ABCA10: variants seen among roughly 807,000 people sequenced by gnomAD.
The protein encoded by ABCA10 is ATP-binding cassette sub-family A member 10.
A neutral mutation model predicts 187.5 loss-of-function variants in ABCA10; 169 were observed. The observed-to-expected ratio is 0.90, with a 90% CI of 0.80 to 1.02. ABCA10 has a LOEUF of 1.02. Ranked by LOEUF, ABCA10 falls within the 50% of genes least tolerant of loss-of-function variation. The pLI, the probability that ABCA10 is intolerant of heterozygous loss-of-function variation, is 0.00. For synonymous variants in ABCA10, 574 were observed against 601.8 expected (o/e 0.95, Z 0.68); for missense variants, 1,727 against 1,812.4 (o/e 0.95, Z 0.86).
intron 19 of ABCA10, 113 bp from the exon 20 acceptor site, chr17:69,185,756 TTTAG>T: frequency 7.9e-6 from 6 of 754,846 alleles, no homozygotes; most frequent in Admixed American, 2.6e-5. Context: ...ATATGTGGTG[TTTAG>T]TTAGATAAAA....
chr17:69,215,987 A>G lies in ABCA10; in HGVS notation c.686T>C (p.Phe229Ser). 1.2e-6 allele frequency: 2 copies of G among 1,612,382 alleles called. No individual in the cohort carries two copies. Among genetic ancestry groups the G allele is most frequent in the Non-Finnish European group, 1.7e-6 (2 of 1,179,558 alleles). ...LYGLSLIALA[F>S]LMSVLIRKPM... is the part of the protein sequence containing the mutation. ...TTTCCTTATTAAAACACTCATGAGG[A>G]AAGCCAATGCTATCTGAAGGAAGAA... The change falls in exon 8 of 39, where the codon TTC (phenylalanine) becomes TCC (serine). Residue 229 changes from phenylalanine (F) to serine (S), a missense_variant. Phe to Ser is a radical substitution (Grantham distance 155). Transcript: ENST00000690296.
chr17:69,214,588 AT>A (rs1327198654), intron 9 of ABCA10, 115 bp downstream of exon 9: 1 of 930,806 alleles, frequency 1.1e-6, no homozygotes. Context: ...TTGTTTTGAA[AT>A]TTTTTCTTCT....
At chr17:69,161,457 G>A (rs2074217818) in intron 27 of ABCA10, among the ~76,000 whole-genome samples, 1 of 152,128 alleles carries the variant, frequency 6.6e-6, no homozygotes, top group African/African-American at 2.4e-5. Context: ...AATAATTGCA[G>A]TTGTTTTTAC....
chr17:69,177,556 T>C (rs2074343242), intron 22 of ABCA10, among the ~76,000 whole-genome samples: 1 of 152,138 alleles, frequency 6.6e-6, no homozygotes, highest in South Asian at 2.1e-4. Context: ...TCCAATGCCA[T>C]ATTAGAACTT....
chr17:69,169,452 G>A (rs2074279873), intron 25 of ABCA10, among the ~76,000 whole-genome samples: 1 of 152,122 alleles, frequency 6.6e-6, no homozygotes, highest in Non-Finnish European at 1.5e-5. Flanking sequence ...CTCCCCCAAA[G>A]TAATTTATAG....
intron 3 of ABCA10, chr17:69,223,814 G>A: frequency 3.4e-6 from 1 of 290,938 alleles, no homozygotes; most frequent in South Asian, 2.8e-5. Context: ...AGCTGTGGTT[G>A]GAACAGGCGA....
At chr17:69,244,237 A>T (rs1333601777) in intron 1 of ABCA10, 1 of 152,164 alleles carries the variant, frequency 6.6e-6, no homozygotes, top group African/African-American at 2.4e-5. Flanking sequence ...AATGTAAATT[A>T]AAACAAAGTA....
rs1035509432 is a variant in ABCA10, at chr17:69,238,151, G to C, written c.-593+6378C>G. Among the ~76,000 whole-genome samples the C allele has an allele frequency of 8.2e-5, 9 of 110,334 alleles. No individual in the cohort carries two copies. The South Asian group carries it at 2.7e-3, about 34-fold the overall frequency. The allele number at this position is 110,334 out of a possible 152,430, so 72.4% of individuals were successfully genotyped here. ...CACTCCAGCTTGGGCAACAGAGTGA[G>C]ACTCTGTCAAAAAAAAAAAAAAAAA... On this transcript the variant is annotated intron_variant, in intron 1 of 39. Transcript: ENST00000269081.
intron 16 of ABCA10, 47 bp from the exon 17 acceptor site, chr17:69,191,362 C>A: frequency 6.9e-7 from 1 of 1,450,658 alleles, no homozygotes; most frequent in Admixed American, 2.3e-5. Context: ...TTTTCCAACA[C>A]CACCACTCAT....
At chr17:69,166,074 C>T (rs2144768742) in intron 25 of ABCA10, among the ~76,000 whole-genome samples, 1 of 152,090 alleles carries the variant, frequency 6.6e-6, no homozygotes, top group Non-Finnish European at 1.5e-5. Context: ...CACTGTACTA[C>T]TGTAATAATT....
intron 8 of ABCA10, 111 bp downstream of exon 8, chr17:69,215,704 T>G: frequency 9.2e-7 from 1 of 1,086,886 alleles, no homozygotes; most frequent in Non-Finnish European, 1.2e-6. Flanking sequence ...ACAGCAGAAT[T>G]TCTTAAAACA....
chr17:69,241,776 G>C (rs997826722), intron 1 of ABCA10, among the ~76,000 whole-genome samples: 2 of 152,186 alleles, frequency 1.3e-5, no homozygotes, highest in Non-Finnish European at 2.9e-5. Flanking sequence ...TATAATAAAA[G>C]CTCAGTGAGG....
intron 21 of ABCA10, 60 bp downstream of exon 21, chr17:69,182,615 G>A: frequency 6.6e-7 from 1 of 1,505,366 alleles, no homozygotes; most frequent in Non-Finnish European, 8.8e-7. Flanking sequence ...CTAAGTATTA[G>A]GACGTGGCAA....
chr17:69,225,558 T>C (rs552523143), intron 2 of ABCA10, 29 bp from the exon 3 acceptor site: 27 of 533,466 alleles, frequency 5.1e-5, no homozygotes, highest in South Asian at 3.5e-4. Flanking sequence ...AAATGAGCCA[T>C]GTTATAACGT....
chr17:69,155,649 G>C (rs1456571685), intron 29 of ABCA10, among the ~76,000 whole-genome samples, 156 bp downstream of exon 29: 1 of 151,968 alleles, frequency 6.6e-6, no homozygotes, highest in Non-Finnish European at 1.5e-5. Context: ...ATGAGGACAG[G>C]GTAGTTACTT....
intron 9 of ABCA10, among the ~76,000 whole-genome samples, chr17:69,203,791 T>C (rs1240283859): frequency 6.6e-6 from 1 of 152,228 alleles, no homozygotes; most frequent in Admixed American, 6.6e-5. Flanking sequence ...ACAAATATGT[T>C]GTGTTAAGGA....
chr17:69,238,674 T>C (rs2074886674), intron 1 of ABCA10, among the ~76,000 whole-genome samples: 1 of 152,182 alleles, frequency 6.6e-6, no homozygotes, highest in African/African-American at 2.4e-5. Flanking sequence ...CTCCAGTATA[T>C]AATTACCTGA....
chr17:69,216,132 A>G, intron 7 of ABCA10, 85 bp downstream of exon 7: 2 of 1,543,772 alleles, frequency 1.3e-6, no homozygotes, highest in Non-Finnish European at 1.8e-6. Context: ...TATAGTGATT[A>G]CACTAATATC....
rs768440283 is a variant in ABCA10 at position 69,153,509 on chromosome 17, C to G, written c.4003G>C (p.Ala1335Pro). 1.2e-6 allele frequency: 2 copies of G among 1,614,154 alleles called. No homozygotes were observed. The highest frequency in any genetic ancestry group is 1.7e-6 in the Non-Finnish European group (2 of 1,180,020). The stretch of plus-strand genomic sequence containing the variant: ...CCCTCTGATAGAGTTTTCACAGGAG[C>G]CTTAAGTTGTTCCTGGAGCTTAAGA... ...EALKLQEQLK[A>P]PVKTLSEGIK... The change falls in exon 33 of 39, where the codon GCT becomes CCT. Residue 1335 changes from alanine to proline, a missense_variant. Ala to Pro is a conservative substitution (Grantham distance 27). Transcript: ENST00000690296.
Sources: gnomAD v4.1 joint callset for allele counts (sites outside exome capture counted in the v4.1 genomes callset) on GRCh38, gnomAD v4.1.1 for gene constraint, MANE v1.5 for transcripts, NCBI Gene and HGNC (gene_info 2026-07-23, HGNC 2026-07-21) for gene names.